The following MAML3 variants were observed in gnomAD, a reference collection of about 807,000 sequenced individuals.
The protein encoded by MAML3 is mastermind-like protein 3.
MAML3 carries 27 observed loss-of-function variants against 101.9 expected under a neutral mutation model. That is an observed-to-expected ratio of 0.27 (90% CI 0.20 to 0.37). The LOEUF (loss-of-function observed/expected upper bound fraction) is 0.37, where lower values mean the gene tolerates loss of function less well. Ranked by LOEUF, MAML3 falls within the 10% of genes least tolerant of loss-of-function variation. MAML3 has a pLI of 1.00. For synonymous variants in MAML3, 501 were observed against 555.9 expected, an observed-to-expected ratio of 0.90 and a Z score of 1.39; for missense variants, 1,316 against 1,444.9, an observed-to-expected ratio of 0.91 and a Z score of 1.45.
intron 1 of MAML3, among the ~76,000 whole-genome samples, chr4:140,042,050 G>T (rs1727094414): frequency 6.6e-6 from 1 of 152,126 alleles, no homozygotes; most frequent in Admixed American, 6.5e-5. Context: ...GAAGTACGAA[G>T]TATTATTATC....
intron 1 of MAML3, among the ~76,000 whole-genome samples, chr4:140,025,045 G>A (rs953492153): frequency 2.0e-5 from 3 of 152,164 alleles, no homozygotes; most frequent in Non-Finnish European, 4.4e-5. Flanking sequence ...TCCCTAATGT[G>A]TTAATGGGGG....
At chr4:139,814,025 A>C (rs199714222) in intron 2 of MAML3, among the ~76,000 whole-genome samples, 29 of 145,032 alleles carry the variant, frequency 2.0e-4, no homozygotes, top group African/African-American at 4.1e-4. Context: ...CACAAACACA[A>C]ACACACACAC....
chr4:139,877,802 G>A (rs1164361986), intron 2 of MAML3, among the ~76,000 whole-genome samples: 2 of 152,094 alleles, frequency 1.3e-5, no homozygotes, highest in Non-Finnish European at 2.9e-5. Flanking sequence ...TAAATTACGT[G>A]TTTAAATTGC....
At chr4:140,112,976 T>C (rs1728460777) in intron 1 of MAML3, among the ~76,000 whole-genome samples, 2 of 152,168 alleles carry the variant, frequency 1.3e-5, no homozygotes, top group Non-Finnish European at 2.9e-5. Context: ...TATAATATTT[T>C]ATCCTTTAAC....
At chr4:139,781,708 ACTGAGCTCAAG>A (rs1399389058) in intron 2 of MAML3, among the ~76,000 whole-genome samples, 1 of 152,076 alleles carries the variant, frequency 6.6e-6, no homozygotes, top group Non-Finnish European at 1.5e-5. Context: ...CTTTTAGGGC[ACTGAGCTCAAG>A]CCAAGCTTGT....
At chr4:139,865,607 T>C (rs1475471624) in intron 2 of MAML3, among the ~76,000 whole-genome samples, 1 of 152,112 alleles carries the variant, frequency 6.6e-6, no homozygotes, top group Admixed American at 6.5e-5. Context: ...CAGCCTCTTT[T>C]TCCTCTTGTT....
intron 1 of MAML3, among the ~76,000 whole-genome samples, chr4:140,046,872 G>T (rs986262125): frequency 1.1e-4 from 17 of 152,076 alleles, no homozygotes; most frequent in Non-Finnish European, 1.5e-5. Flanking sequence ...ATATTTATTT[G>T]AGGCAATTTT....
chr4:139,772,426 C>T lies in MAML3; in HGVS notation c.2080-41759G>A, dbSNP rs948097473. Among the ~76,000 whole-genome samples, 17 of 151,312 alleles carry T rather than the reference C, an allele frequency of 1.1e-4. 1 individual carries two copies. Among genetic ancestry groups the T allele is most frequent in the Non-Finnish European group, 2.4e-4 (16 of 67,880 alleles). Reference sequence around the variant, plus strand: ...GCGCGATCTCGGCTCACTGCAACCTCCGCCTCCTGGGTTCAAGTAATTCTC... The same window carrying T: ...GCGCGATCTCGGCTCACTGCAACCTTCGCCTCCTGGGTTCAAGTAATTCTC... On this transcript the variant is annotated intron_variant, in intron 2 of 4. Coordinates refer to ENST00000509479, the MANE Select transcript of MAML3 (RefSeq NM_018717.5).
chr4:139,834,177 T>C (rs1394163338), intron 2 of MAML3, among the ~76,000 whole-genome samples: 1 of 152,260 alleles, frequency 6.6e-6, no homozygotes, highest in Non-Finnish European at 1.5e-5. Flanking sequence ...AGGAAACTTA[T>C]CTTCATTCCT....
intron 2 of MAML3, among the ~76,000 whole-genome samples, chr4:139,771,691 G>T (rs6857112): frequency 0.74 from 111,982 of 152,012 alleles, 41,456 homozygotes; most frequent in South Asian, 0.84. Context: ...AACCCTTAGC[G>T]TATTTAACTG....
At chr4:140,137,822 T>C in intron 1 of MAML3, among the ~76,000 whole-genome samples, 1 of 152,206 alleles carries the variant, frequency 6.6e-6, no homozygotes, top group Non-Finnish European at 1.5e-5. Context: ...CTGCAATCCT[T>C]TGACATTCCA....
At chr4:140,096,879 G>C (rs1214927898) in intron 1 of MAML3, among the ~76,000 whole-genome samples, 3 of 134,582 alleles carry the variant, frequency 2.2e-5, no homozygotes, top group Non-Finnish European at 4.8e-5. Flanking sequence ...AATATTTTAA[G>C]ATGATTTCTA....
chr4:139,898,355 C>T (rs1732651788), intron 1 of MAML3, among the ~76,000 whole-genome samples: 1 of 152,186 alleles, frequency 6.6e-6, no homozygotes, highest in Non-Finnish European at 1.5e-5. Flanking sequence ...CTGATGAGAA[C>T]CACTAGAGAA....
intron 2 of MAML3, among the ~76,000 whole-genome samples, chr4:139,781,303 T>C (rs926074717): frequency 1.3e-5 from 2 of 152,088 alleles, no homozygotes; most frequent in Admixed American, 1.3e-4. Context: ...TGCCTCACTT[T>C]TGGGGCCTGA....
At position 139,889,557 on chromosome 4, in the gene MAML3, G is replaced by A. The variant is rs1732419857; in HGVS notation, c.1879C>T (p.Pro627Ser). 1 of 1,613,818 alleles carries A rather than the reference G, an allele frequency of 6.2e-7. No homozygotes were observed. Among genetic ancestry groups the A allele is most frequent in the Non-Finnish European group, 8.5e-7 (1 of 1,179,850 alleles). Residue 627 changes from proline (P) to serine (S), a missense_variant, in exon 2 of 5, where the codon CCC (proline) becomes TCC (serine). Pro to Ser is a moderately conservative substitution (Grantham distance 74). Transcript: ENST00000509479. ...TPPVANPNKN[P>S]LMPYIQQQQQ... The stretch of plus-strand genomic sequence containing the variant: ...TGCTGCTGGATATACGGCATCAAGG[G>A]GTTTTTGTTGGGGTTGGCCACTGGT...
At chr4:139,805,349 T>G (rs1460518321) in intron 2 of MAML3, among the ~76,000 whole-genome samples, 3 of 152,210 alleles carry the variant, frequency 2.0e-5, no homozygotes, top group Non-Finnish European at 4.4e-5. Flanking sequence ...TTAAAATGGG[T>G]TAATTTAATC....
chr4:140,124,237 T>C, intron 1 of MAML3, among the ~76,000 whole-genome samples: 1 of 152,212 alleles, frequency 6.6e-6, no homozygotes, highest in East Asian at 1.9e-4. Flanking sequence ...CTACGCACAC[T>C]GTCGTGTCTA....
intron 1 of MAML3, among the ~76,000 whole-genome samples, chr4:139,989,828 T>G (rs1197797698): frequency 6.9e-6 from 1 of 144,334 alleles, no homozygotes; most frequent in Admixed American, 7.0e-5. Flanking sequence ...TGCTGACCCC[T>G]GCACCCCACC....
At chr4:140,049,755 G>C (rs1727238217) in intron 1 of MAML3, among the ~76,000 whole-genome samples, 1 of 152,062 alleles carries the variant, frequency 6.6e-6, no homozygotes. Context: ...AAAAATAAGA[G>C]ATAAGATGCA....
Sources: gnomAD v4.1 joint callset for allele counts (sites outside exome capture counted in the v4.1 genomes callset) on GRCh38, gnomAD v4.1.1 for gene constraint, MANE v1.5 for transcripts, NCBI Gene and HGNC (gene_info 2026-07-23, HGNC 2026-07-21) for gene names.